CEP128: variants seen among roughly 807,000 people sequenced by gnomAD.
The protein encoded by CEP128 is centrosomal protein 128.
In CEP128, 132 loss-of-function variants were observed where a neutral mutation model predicts 156.7. The ratio of observed to expected loss-of-function variants is 0.84; its 90% CI spans 0.73 to 0.97. The LOEUF is 0.97. Ranked by LOEUF, CEP128 falls within the 50% of genes least tolerant of loss-of-function variation. The pLI is 0.00. For synonymous variants in CEP128, 469 were observed against 448.9 expected (o/e 1.04, Z -0.57); for missense variants, 1,252 against 1,281.9 (o/e 0.98, Z 0.36).
At chr14:80,799,568 T>C (rs1037070886) in intron 13 of CEP128, among the ~76,000 whole-genome samples, 2 of 152,128 alleles carry the variant, frequency 1.3e-5, no homozygotes, top group African/African-American at 4.8e-5. Context: ...TAAACGGACA[T>C]GCAAGTAGGG....
At chr14:80,786,336 T>C (rs916775208) in intron 14 of CEP128, among the ~76,000 whole-genome samples, 3 of 151,864 alleles carry the variant, frequency 2.0e-5, no homozygotes, top group Non-Finnish European at 4.4e-5. Flanking sequence ...CCAAAGATAA[T>C]CTCCGTGAAA....
chr14:80,503,064 G>A (rs973717282), intron 24 of CEP128, among the ~76,000 whole-genome samples: 2 of 152,078 alleles, frequency 1.3e-5, no homozygotes, highest in Non-Finnish European at 2.9e-5. Flanking sequence ...AAAATATGGG[G>A]ATAGGTCTGG....
intron 20 of CEP128, among the ~76,000 whole-genome samples, chr14:80,570,206 C>T (rs889347105): frequency 5.9e-5 from 9 of 152,124 alleles, no homozygotes; most frequent in African/African-American, 1.9e-4. Flanking sequence ...CAACCTCCGC[C>T]TCCTGGGTTC....
At chr14:80,491,693 G>T (rs1384512906), downstream of CEP128, among the ~76,000 whole-genome samples, 1 of 152,154 alleles carries the variant, frequency 6.6e-6, no homozygotes, top group African/African-American at 2.4e-5. Flanking sequence ...CGATCACTCT[G>T]CACCCAGACC....
At chr14:80,689,375 T>C (rs1896641093) in intron 19 of CEP128, among the ~76,000 whole-genome samples, 1 of 149,244 alleles carries the variant, frequency 6.7e-6, no homozygotes, top group Non-Finnish European at 1.5e-5. Flanking sequence ...TCAAGCTACA[T>C]CAAGCTAAAA....
intron 22 of CEP128, chr14:80,527,269 A>G: frequency 4.2e-6 from 2 of 476,456 alleles, no homozygotes; most frequent in Non-Finnish European, 8.3e-6. Context: ...CCTCTACAAA[A>G]AAATACAAAA....
intron 19 of CEP128, among the ~76,000 whole-genome samples, chr14:80,678,647 G>C (rs1382555885): frequency 6.6e-6 from 1 of 152,206 alleles, no homozygotes; most frequent in Admixed American, 6.5e-5. Context: ...GCCAATACAT[G>C]AAGAGCTTCC....
chr14:80,777,857 A>G (rs1355354232), intron 16 of CEP128, 25 bp downstream of exon 16: 1 of 1,465,742 alleles, frequency 6.8e-7, no homozygotes. Flanking sequence ...TAGAATTTGA[A>G]ATTAGAATTC....
At chr14:80,801,363 G>A (rs973060887) in intron 13 of CEP128, among the ~76,000 whole-genome samples, 2 of 144,534 alleles carry the variant, frequency 1.4e-5, no homozygotes, top group African/African-American at 2.6e-5. Flanking sequence ...ATATGATATT[G>A]GCTGTGGGTT....
intron 2 of CEP128, among the ~76,000 whole-genome samples, chr14:80,947,968 G>A (rs1416769850): frequency 6.6e-6 from 1 of 152,200 alleles, no homozygotes; most frequent in African/African-American, 2.4e-5. Context: ...ATTGGATTTT[G>A]CTTTGTTCCC....
chr14:80,682,038 A>C (rs1896344912), intron 19 of CEP128, among the ~76,000 whole-genome samples: 1 of 152,128 alleles, frequency 6.6e-6, no homozygotes. Flanking sequence ...AACCTAGGAG[A>C]TCAAACACAC....
At chr14:80,481,386 T>G (rs942821106) in intron 14 of CEP128, among the ~76,000 whole-genome samples, 2 of 152,192 alleles carry the variant, frequency 1.3e-5, no homozygotes, top group African/African-American at 4.8e-5. Context: ...ATGGTTGAAT[T>G]ACCTCTCCCT....
chr14:80,819,740 A>G (rs1885064728), intron 13 of CEP128, among the ~76,000 whole-genome samples: 1 of 152,168 alleles, frequency 6.6e-6, no homozygotes, highest in Admixed American at 6.5e-5. Flanking sequence ...GTTCTAGGAA[A>G]ACCAACATTT....
rs184959539 is a variant in CEP128, at chr14:80,633,727, T to C, written c.2807-53304A>G. Among the ~76,000 whole-genome samples, 246 of 152,338 alleles carry C rather than the reference T, an allele frequency of 1.6e-3. 2 individuals are homozygous for C. The highest frequency in any genetic ancestry group is 5.6e-3 in the African/African-American group (232 of 41,592). The stretch of plus-strand genomic sequence containing the variant: ...CAGACTTATCTCATTCACCACTGTA[T>C]CTTCTTTGCATAGCTCATTGTCTGG... On this transcript the variant is annotated intron_variant, in intron 19 of 24. Transcript: ENST00000555265.
chr14:80,663,648 C>A (rs1160877991), intron 19 of CEP128, among the ~76,000 whole-genome samples: 1 of 152,122 alleles, frequency 6.6e-6, no homozygotes, highest in East Asian at 1.9e-4. Context: ...GAGGCACTAC[C>A]AAAGATGTTA....
At chr14:80,876,326 A>T (rs928411826) in intron 8 of CEP128, among the ~76,000 whole-genome samples, 1 of 152,128 alleles carries the variant, frequency 6.6e-6, no homozygotes, top group Non-Finnish European at 1.5e-5. Context: ...GGCCGGGCGC[A>T]GTGGCTCATG....
intron 19 of CEP128, among the ~76,000 whole-genome samples, chr14:80,629,652 AG>A (rs1893882507): frequency 6.6e-6 from 1 of 152,008 alleles, no homozygotes; most frequent in Admixed American, 6.6e-5. Flanking sequence ...TAAAAGGTGT[AG>A]TCTCTATAGG....
chr14:80,647,437 G>C (rs960565925), intron 19 of CEP128, among the ~76,000 whole-genome samples: 1 of 151,654 alleles, frequency 6.6e-6, no homozygotes, highest in Non-Finnish European at 1.5e-5. Flanking sequence ...ACATGGTTTT[G>C]AAAGCTGTGC....
intron 8 of CEP128, among the ~76,000 whole-genome samples, chr14:80,887,436 C>T (rs1566694016): frequency 6.6e-6 from 1 of 152,144 alleles, no homozygotes; most frequent in Admixed American, 6.5e-5. Flanking sequence ...GTCTCTCAGA[C>T]CACAGTGCAA....
Sources: allele counts gnomAD v4.1 joint callset (sites outside exome capture counted in the v4.1 genomes callset), GRCh38; gene constraint gnomAD v4.1.1; transcripts MANE v1.5; gene names NCBI Gene and HGNC (gene_info 2026-07-23, HGNC 2026-07-21).